The following PEX5L variants were observed in gnomAD, a reference collection of about 807,000 sequenced individuals.
The protein encoded by PEX5L is peroxisomal biogenesis factor 5 like, also known as PEX5-related protein.
PEX5L carries 30 observed loss-of-function variants against 84.0 expected under a neutral mutation model. The observed-to-expected ratio is 0.36, with a 90% CI of 0.27 to 0.48. PEX5L has a LOEUF of 0.48. Ranked by LOEUF, PEX5L falls within the 20% of genes least tolerant of loss-of-function variation. The pLI, the probability that PEX5L is intolerant of heterozygous loss-of-function variation, is 0.99. For missense variants in PEX5L, 533 were observed against 754.6 expected (o/e 0.71, Z 3.44); for synonymous variants, 270 against 283.1 (o/e 0.95, Z 0.46).
At chr3:180,010,994 G>C (rs999722717) in intron 1 of PEX5L, among the ~76,000 whole-genome samples, 2 of 152,114 alleles carry the variant, frequency 1.3e-5, no homozygotes, top group African/African-American at 4.8e-5. Flanking sequence ...CAAATACAGG[G>C]TCTTCCACTT....
chr3:179,889,935 G>T (rs911538553), intron 3 of PEX5L, among the ~76,000 whole-genome samples: 2 of 152,134 alleles, frequency 1.3e-5, no homozygotes, highest in African/African-American at 4.8e-5. Context: ...CACTGGTATA[G>T]AATACAATAT....
At chr3:179,991,165 T>A (rs1335429955) in intron 1 of PEX5L, among the ~76,000 whole-genome samples, 2 of 152,176 alleles carry the variant, frequency 1.3e-5, no homozygotes, top group Admixed American at 6.5e-5. Flanking sequence ...CGACTTACTG[T>A]CTTTAACCTG....
In PEX5L at chr3:179,970,973, C is replaced by G. The variant is rs1001402928; in HGVS notation, c.93+621G>C. ...GCATGGGCTGGAAACCTTCCATTACCTGGTATGTCATTGTTTATGCTCTAT... is the reference window on the plus strand; with the variant it reads ...GCATGGGCTGGAAACCTTCCATTACGTGGTATGTCATTGTTTATGCTCTAT... On this transcript the variant is annotated intron_variant, in intron 2 of 14. Coordinates refer to ENST00000467460, the MANE Select transcript of PEX5L (RefSeq NM_016559.3). Among the ~76,000 whole-genome samples, 4 of 152,164 alleles carry G rather than the reference C, an allele frequency of 2.6e-5. No individual in the cohort carries two copies. In the South Asian group the frequency reaches 8.3e-4, roughly 32 times the overall value.
chr3:179,840,428 A>G (rs1048405922), intron 8 of PEX5L, among the ~76,000 whole-genome samples: 1 of 151,858 alleles, frequency 6.6e-6, no homozygotes, highest in Non-Finnish European at 1.5e-5. Flanking sequence ...ACCTCAGGTG[A>G]TCCACTCACC....
chr3:179,831,611 C>T (rs1040001545), intron 8 of PEX5L, among the ~76,000 whole-genome samples: 1 of 152,108 alleles, frequency 6.6e-6, no homozygotes, highest in Non-Finnish European at 1.5e-5. Context: ...AGATGCAATA[C>T]AGCATTATAA....
intron 8 of PEX5L, among the ~76,000 whole-genome samples, chr3:179,844,952 T>C (rs934911667): frequency 6.6e-6 from 1 of 152,234 alleles, no homozygotes; most frequent in Non-Finnish European, 1.5e-5. Context: ...TACAGAAACA[T>C]ACCTAAGTTT....
intron 2 of PEX5L, among the ~76,000 whole-genome samples, chr3:179,970,759 C>A (rs1324382920): frequency 1.3e-5 from 2 of 152,104 alleles, no homozygotes; most frequent in Non-Finnish European, 2.9e-5. Flanking sequence ...AATTCAGGTG[C>A]CTTTCTGTAA....
At chr3:179,983,310 T>G (rs1255939943) in intron 1 of PEX5L, among the ~76,000 whole-genome samples, 1 of 151,972 alleles carries the variant, frequency 6.6e-6, no homozygotes, top group African/African-American at 2.4e-5. Flanking sequence ...CTACCTTAAA[T>G]TAATAATTTT....
At chr3:179,975,603 A>G (rs184182793) in intron 1 of PEX5L, among the ~76,000 whole-genome samples, 115 of 152,356 alleles carry the variant, frequency 7.5e-4, no homozygotes, top group Admixed American at 1.9e-3. Flanking sequence ...GATACATAGT[A>G]GACATGAATT....
intron 1 of PEX5L, among the ~76,000 whole-genome samples, chr3:179,991,211 T>C (rs561102832): frequency 1.3e-5 from 2 of 152,314 alleles, no homozygotes; most frequent in Non-Finnish European, 2.9e-5. Flanking sequence ...ATTTGACCTC[T>C]GGTATCTGTT....
intron 1 of PEX5L, among the ~76,000 whole-genome samples, chr3:180,032,933 T>C (rs1289417412): frequency 6.6e-6 from 1 of 152,208 alleles, no homozygotes; most frequent in Non-Finnish European, 1.5e-5. Context: ...AAATATCATC[T>C]GCTTTACAGT....
rs114721580 is a variant in PEX5L at position 179,845,033 on chromosome 3, G to A, written c.822+14029C>T. ...TTTTTCACATTTACGTTTAAAAATC[G>A]TGTGATCTATCTATTTCTCTTCTGT... On this transcript the variant is annotated intron_variant, in intron 8 of 14. Coordinates refer to ENST00000467460, the MANE Select transcript of PEX5L (RefSeq NM_016559.3). 3.5e-3 allele frequency among the ~76,000 whole-genome samples: 531 copies of A among 151,990 alleles called. 6 individuals carry two copies. Among genetic ancestry groups the A allele is most frequent in the African/African-American group, 0.012 (487 of 41,466 alleles).
intron 8 of PEX5L, chr3:179,820,302 C>T: frequency 3.8e-6 from 1 of 263,862 alleles, no homozygotes; most frequent in South Asian, 7.2e-5. Context: ...GGCAGTCTCT[C>T]CCAGAATTGC....
At chr3:179,923,113 A>C (rs146786079) in intron 2 of PEX5L, among the ~76,000 whole-genome samples, 23,663 of 151,244 alleles carry the variant, frequency 0.16, 1,942 homozygotes, top group South Asian at 0.31. Context: ...CACGGTGAAA[A>C]CCTGTCTCTA....
At chr3:179,887,547 C>T in intron 4 of PEX5L, 126 bp downstream of exon 4, 1 of 687,320 alleles carries the variant, frequency 1.5e-6, no homozygotes. Context: ...AAATAGTATA[C>T]ATTCTAAAGT....
intron 1 of PEX5L, among the ~76,000 whole-genome samples, chr3:179,978,538 G>C (rs1342730698): frequency 6.6e-6 from 1 of 151,942 alleles, no homozygotes; most frequent in Non-Finnish European, 1.5e-5. Flanking sequence ...ACTTGCTTTT[G>C]CCCCAAATTT....
intron 3 of PEX5L, chr3:179,895,701 T>C (rs1338014561): frequency 1.3e-5 from 2 of 152,128 alleles, no homozygotes; most frequent in African/African-American, 2.4e-5. Flanking sequence ...GAACACACAG[T>C]AATAATCACA....
chr3:179,875,841 T>A (rs1378959533), intron 5 of PEX5L, among the ~76,000 whole-genome samples: 1 of 152,188 alleles, frequency 6.6e-6, no homozygotes, highest in Admixed American at 6.5e-5. Context: ...AGAATGTACA[T>A]CTGGAGCACT....
At chr3:179,842,903 G>A (rs1316370733) in intron 8 of PEX5L, among the ~76,000 whole-genome samples, 8 of 152,058 alleles carry the variant, frequency 5.3e-5, no homozygotes, top group African/African-American at 9.7e-5. Flanking sequence ...ATTTGGCAAT[G>A]ACAGAATTTA....
Sources: allele counts gnomAD v4.1 joint callset (sites outside exome capture counted in the v4.1 genomes callset), GRCh38; gene constraint gnomAD v4.1.1; transcripts MANE v1.5; gene names NCBI Gene and HGNC (gene_info 2026-07-23, HGNC 2026-07-21).